TTC6: variants seen among roughly 807,000 people sequenced by gnomAD.
The protein encoded by TTC6 is tetratricopeptide repeat domain 6.
In TTC6, 172 loss-of-function variants were observed where a neutral mutation model predicts 210.4. The ratio of observed to expected loss-of-function variants is 0.82; its 90% CI spans 0.72 to 0.93. TTC6 has a LOEUF of 0.93. TTC6 is among the 40% of genes least tolerant of loss of function. The pLI, the probability that TTC6 is intolerant of heterozygous loss-of-function variation, is 0.00. For missense variants in TTC6, 2,414 were observed against 2,318.1 expected (o/e 1.04, Z -0.85); for synonymous variants, 804 against 819.6 (o/e 0.98, Z 0.32).
intron 5 of TTC6, among the ~76,000 whole-genome samples, chr14:37,709,045 T>G (rs1053482929): frequency 1.3e-5 from 2 of 152,026 alleles, no homozygotes; most frequent in African/African-American, 4.8e-5. Context: ...CTGTTCTGTC[T>G]CATATGCTTT....
At chr14:37,639,095 T>C (rs996281326) in intron 1 of TTC6, among the ~76,000 whole-genome samples, 1 of 152,238 alleles carries the variant, frequency 6.6e-6, no homozygotes, top group Non-Finnish European at 1.5e-5. Flanking sequence ...AGAACATACA[T>C]TGCTATGTAT....
At chr14:37,691,303 CT>C (rs796590486) in intron 3 of TTC6, among the ~76,000 whole-genome samples, 4 of 152,236 alleles carry the variant, frequency 2.6e-5, no homozygotes, top group African/African-American at 9.6e-5. Context: ...GCACTACAGC[CT>C]GTGTGACAGA....
chr14:37,680,741 G>C (rs776043211), intron 2 of TTC6, among the ~76,000 whole-genome samples: 8 of 152,062 alleles, frequency 5.3e-5, no homozygotes, highest in Non-Finnish European at 1.5e-5. Flanking sequence ...AAAGCAATCT[G>C]GAACATATTC....
chr14:37,693,528 A>G (rs969958415), intron 3 of TTC6, among the ~76,000 whole-genome samples: 32 of 152,122 alleles, frequency 2.1e-4, no homozygotes, highest in Admixed American at 2.1e-3. Context: ...CCTAAAATTT[A>G]TATGGAACCA....
At chr14:37,700,750 C>CA (rs35091344) in intron 4 of TTC6, among the ~76,000 whole-genome samples, 11,670 of 62,060 alleles carry the variant, frequency 0.19, 1,974 homozygotes, top group African/African-American at 0.34. Flanking sequence ...CTCCATCTCA[C>CA]AAAAAAAAAA....
Position 37,823,744 on chromosome 14 carries a change from C to T in TTC6, c.4764-3C>T. ...AGGCATCAATATTTTTATTTATTTG[C>T]AGAATTAATGAGTTTGAAGAAGCTG... On this transcript the variant is annotated splice_polypyrimidine_tract_variant and splice_region_variant and intron_variant, in intron 26 of 30. Transcript: ENST00000553443. 6.2e-7 allele frequency: 1 copy of T among 1,611,702 alleles called. No individual in the cohort carries two copies.
At chr14:37,787,803 C>A (rs2096071237) in intron 15 of TTC6, among the ~76,000 whole-genome samples, 166 bp downstream of exon 17, 1 of 151,516 alleles carries the variant, frequency 6.6e-6, no homozygotes, top group Admixed American at 6.6e-5. Context: ...TTTTAATATT[C>A]TTATATAGGT....
At chr14:37,821,922 A>G (rs866320049) in intron 26 of TTC6, among the ~76,000 whole-genome samples, 24 of 151,864 alleles carry the variant, frequency 1.6e-4, no homozygotes, top group African/African-American at 5.6e-4. Flanking sequence ...CTGGGACTAC[A>G]GGGGCCTGCC....
intron 6 of TTC6, chr14:37,720,307 G>A (rs543380835): frequency 1.2e-4 from 18 of 152,250 alleles, no homozygotes; most frequent in Admixed American, 9.8e-4. Flanking sequence ...TATGCATGCA[G>A]TTCTGTAAGA....
intron 5 of TTC6, among the ~76,000 whole-genome samples, chr14:37,709,142 C>G (rs1352423469): frequency 3.9e-5 from 6 of 151,992 alleles, no homozygotes; most frequent in Admixed American, 2.6e-4. Flanking sequence ...CTGGCCCCAC[C>G]CCTACCCCTT....
intron 14 of TTC6, among the ~76,000 whole-genome samples, chr14:37,786,725 G>A (rs1190312467): frequency 2.6e-5 from 4 of 152,220 alleles, no homozygotes; most frequent in Non-Finnish European, 1.5e-5. Flanking sequence ...GCTCACGCGG[G>A]GAGCTGTAGA....
At chr14:37,821,006 T>C (rs2096155097) in intron 26 of TTC6, among the ~76,000 whole-genome samples, 1 of 63,174 alleles carries the variant, frequency 1.6e-5, no homozygotes, top group African/African-American at 4.7e-5. Context: ...TTCCTCTTGC[T>C]CTTCTTCTTC....
At chr14:37,682,923 C>T (rs1169204859) in exon 3 of TTC6, 2 of 1,535,508 alleles carry the variant, frequency 1.3e-6, no homozygotes, top group African/African-American at 2.7e-5. Context: ...AGATGGACAG[C>T]CCACAAGTGA....
chr14:37,599,575 C>A (rs931469664), intron 1 of TTC6, among the ~76,000 whole-genome samples: 2 of 152,198 alleles, frequency 1.3e-5, no homozygotes, highest in Non-Finnish European at 2.9e-5. Flanking sequence ...CTGCTCCGGG[C>A]GCGGACCTAG....
Position 37,707,863 on chromosome 14 carries a change from G to A in TTC6, c.1571+6337G>A, listed in dbSNP as rs376751101. Among the ~76,000 whole-genome samples, 50 of 152,166 alleles carry A rather than the reference G, an allele frequency of 3.3e-4. No individual in the cohort carries two copies. The East Asian group carries it at 4.8e-3, about 15-fold the overall frequency. On this transcript the variant is annotated intron_variant, in intron 5 of 30. Transcript: ENST00000553443. ...TTGACTGTTTATCTTGGAGGTATTA[G>A]AATAGTACTTTTAGATCTTAAGTAG...
chr14:37,804,435 C>G (rs916018847), intron 20 of TTC6, among the ~76,000 whole-genome samples: 2 of 152,128 alleles, frequency 1.3e-5, no homozygotes, highest in Non-Finnish European at 2.9e-5. Flanking sequence ...GTCCATAAGC[C>G]TGCTTAAGTA....
chr14:37,805,047 G>A lies in TTC6; in HGVS notation c.4164+233G>A, dbSNP rs150977646. 3.3e-4 allele frequency among the ~76,000 whole-genome samples: 50 copies of A among 152,156 alleles called. No homozygotes were observed. In the South Asian group the frequency reaches 5.0e-3, roughly 15 times the overall value. On this transcript the variant is annotated intron_variant, in intron 21 of 30. Transcript: ENST00000553443. ...AACAATATTCTAAAGATTAATATGC[G>A]TTTCCCACCAGAACAATAAATCTAA...
intron 7 of TTC6, 125 bp downstream of exon 9, chr14:37,725,127 T>A (rs896121935): frequency 2.0e-6 from 1 of 508,830 alleles, no homozygotes; most frequent in Admixed American, 3.6e-5. Flanking sequence ...TTGCCATAAT[T>A]AGGATTAATT....
intron 7 of TTC6, among the ~76,000 whole-genome samples, chr14:37,731,227 T>C (rs751916822): frequency 1.2e-4 from 19 of 152,328 alleles, no homozygotes; most frequent in Non-Finnish European, 2.5e-4. Context: ...TATATATTGT[T>C]GATTCATTGC....
Sources: allele counts gnomAD v4.1 joint callset (sites outside exome capture counted in the v4.1 genomes callset), GRCh38; gene constraint gnomAD v4.1.1; transcripts MANE v1.5; gene names NCBI Gene and HGNC (gene_info 2026-07-23, HGNC 2026-07-21).